The following SAMMSON variants were observed in gnomAD, a reference collection of about 807,000 sequenced individuals.
The protein encoded by SAMMSON is survival associated mitochondrial melanoma specific oncogenic non-coding RNA.
At chr3:70,363,473 T>C (rs1401753695) in intron 9 of SAMMSON, among the ~76,000 whole-genome samples, 3 of 151,910 alleles carry the variant, frequency 2.0e-5, no homozygotes, top group Non-Finnish European at 4.4e-5. Flanking sequence ...AACTGGTAAA[T>C]GCATTCAGTA....
chr3:70,387,847 A>G (rs1013381254), intron 9 of SAMMSON, among the ~76,000 whole-genome samples: 3 of 152,146 alleles, frequency 2.0e-5, no homozygotes, highest in Non-Finnish European at 2.9e-5. Flanking sequence ...TGTCATCACA[A>G]ATAGGAGTTA....
intron 6 of SAMMSON, among the ~76,000 whole-genome samples, chr3:70,253,485 G>A (rs766993003): frequency 3.9e-4 from 60 of 152,216 alleles, no homozygotes; most frequent in Non-Finnish European, 6.6e-4. Flanking sequence ...TGGGCACAGT[G>A]GCTCATGCCT....
At chr3:70,329,657 T>G (rs1393891562) in intron 7 of SAMMSON, among the ~76,000 whole-genome samples, 1 of 151,980 alleles carries the variant, frequency 6.6e-6, no homozygotes, top group Non-Finnish European at 1.5e-5. Flanking sequence ...AATGAGAATA[T>G]GAATTCTGGC....
intron 3 of SAMMSON, among the ~76,000 whole-genome samples, chr3:70,018,409 G>C (rs2066996575): frequency 6.6e-6 from 1 of 152,112 alleles, no homozygotes; most frequent in Non-Finnish European, 1.5e-5. Flanking sequence ...TTGTATTTCT[G>C]TGGGATCGGT....
intron 7 of SAMMSON, among the ~76,000 whole-genome samples, chr3:70,303,970 A>G (rs1702376325): frequency 6.6e-6 from 1 of 152,222 alleles, no homozygotes; most frequent in Admixed American, 6.5e-5. Flanking sequence ...GGCATGAGCC[A>G]TCATGCCCAG....
At chr3:70,424,108 G>T (rs531711416) in intron 2 of SAMMSON, among the ~76,000 whole-genome samples, 119 of 152,218 alleles carry the variant, frequency 7.8e-4, no homozygotes, top group Non-Finnish European at 1.5e-3. Flanking sequence ...TACCTTAAAT[G>T]ATGTCAATAT....
At chr3:70,382,127 C>T (rs986091054) in intron 9 of SAMMSON, among the ~76,000 whole-genome samples, 2 of 152,086 alleles carry the variant, frequency 1.3e-5, no homozygotes, top group African/African-American at 4.8e-5. Context: ...AAGATGTAGA[C>T]AATCTTCATT....
intron 7 of SAMMSON, among the ~76,000 whole-genome samples, chr3:70,312,937 A>G (rs1219023925): frequency 1.3e-5 from 2 of 152,186 alleles, no homozygotes; most frequent in Non-Finnish European, 2.9e-5. Context: ...AAATGTATTG[A>G]AAAATATACA....
At chr3:70,388,720 G>A (rs752815925) in intron 9 of SAMMSON, among the ~76,000 whole-genome samples, 19 of 152,158 alleles carry the variant, frequency 1.2e-4, no homozygotes, top group Non-Finnish European at 2.5e-4. Flanking sequence ...GATGCCTTTA[G>A]TTGGGGGACA....
chr3:70,200,081 T>C (rs189322456), intron 4 of SAMMSON, among the ~76,000 whole-genome samples: 1 of 152,248 alleles, frequency 6.6e-6, no homozygotes, highest in Non-Finnish European at 1.5e-5. Flanking sequence ...CCCATGCAAT[T>C]CATTGCTGAG....
intron 4 of SAMMSON, among the ~76,000 whole-genome samples, chr3:70,236,641 G>C (rs1040231486): frequency 2.0e-5 from 3 of 152,066 alleles, no homozygotes; most frequent in Non-Finnish European, 4.4e-5. Flanking sequence ...TGTCACCCAG[G>C]CTGGAGTGCA....
chr3:70,395,871 G>T, intron 2 of SAMMSON, among the ~76,000 whole-genome samples: 1 of 152,058 alleles, frequency 6.6e-6, no homozygotes, highest in East Asian at 1.9e-4. Flanking sequence ...GGTACTTAAA[G>T]GCACGAGCTT....
At chr3:70,263,895 T>G (rs1020395376) in intron 6 of SAMMSON, among the ~76,000 whole-genome samples, 7 of 152,188 alleles carry the variant, frequency 4.6e-5, no homozygotes, top group African/African-American at 1.7e-4. Flanking sequence ...TTCACAGTCC[T>G]GCAATTGCTG....
At chr3:70,269,682 G>C (rs1701956119) in intron 6 of SAMMSON, among the ~76,000 whole-genome samples, 1 of 152,012 alleles carries the variant, frequency 6.6e-6, no homozygotes, top group South Asian at 2.1e-4. Context: ...AAATGTACTA[G>C]CTATATTTAA....
At chr3:70,077,284 T>C (rs2067251227) in intron 4 of SAMMSON, among the ~76,000 whole-genome samples, 2 of 152,210 alleles carry the variant, frequency 1.3e-5, no homozygotes, top group Admixed American at 6.5e-5. Context: ...CATTTTCTAA[T>C]TCCAACAAAT....
chr3:70,405,850 G>T (rs1006660080), intron 2 of SAMMSON, among the ~76,000 whole-genome samples: 1 of 152,084 alleles, frequency 6.6e-6, no homozygotes, highest in African/African-American at 2.4e-5. Flanking sequence ...GAAGTTCAAT[G>T]AATAATGTGT....
intron 4 of SAMMSON, among the ~76,000 whole-genome samples, chr3:70,157,313 C>T (rs189038357): frequency 6.6e-6 from 1 of 152,096 alleles, no homozygotes; most frequent in South Asian, 2.1e-4. Context: ...AAAAGTTACA[C>T]CTGAGCTGAC....
At chr3:70,094,601 C>G (rs984305705) in intron 4 of SAMMSON, 2 of 152,168 alleles carry the variant, frequency 1.3e-5, no homozygotes, top group Non-Finnish European at 1.5e-5. Flanking sequence ...TTTGTGTTTG[C>G]TATTCTCACA....
chr3:70,409,195 G>A lies in SAMMSON; in HGVS notation n.233+50871G>A, dbSNP rs549266473. 1.6e-3 allele frequency among the ~76,000 whole-genome samples: 240 copies of A among 152,258 alleles called. 2 individuals are homozygous for A. The highest frequency in any genetic ancestry group is 5.4e-3 in the African/African-American group (224 of 41,562). On this transcript the variant is annotated intron_variant and non_coding_transcript_variant, in intron 2 of 3. Transcript: ENST00000641053. ...ATACCATCATACAATTGAGAAATTT[G>A]CCATGGGACTGTATTCTGATGACTC...
Sources: gnomAD v4.1 joint callset for allele counts (sites outside exome capture counted in the v4.1 genomes callset) on GRCh38, gnomAD v4.1.1 for gene constraint, MANE v1.5 for transcripts, NCBI Gene and HGNC (gene_info 2026-07-23, HGNC 2026-07-21) for gene names.